Variants in PPFIBP1 observed in about 807,000 individuals in gnomAD.
The protein encoded by PPFIBP1 is liprin-beta-1.
In PPFIBP1, 112 loss-of-function variants were observed where a neutral mutation model predicts 137.8. The observed-to-expected ratio is 0.81, with a 90% CI of 0.70 to 0.95. The LOEUF (loss-of-function observed/expected upper bound fraction) is 0.95. Ranked by LOEUF, PPFIBP1 falls within the 40% of genes least tolerant of loss-of-function variation. The probability of loss-of-function intolerance (pLI) is 0.00; values close to 1 mark genes in which losing one functional copy is unlikely to be tolerated. For missense variants in PPFIBP1, 1,083 were observed against 1,196.6 expected (o/e 0.91, Z 1.40); for synonymous variants, 378 against 417.3 (o/e 0.91, Z 1.15).
At chr12:27,531,453 C>T (rs959969842) in intron 1 of PPFIBP1, among the ~76,000 whole-genome samples, 2 of 130,494 alleles carry the variant, frequency 1.5e-5, no homozygotes, top group East Asian at 2.2e-4. Flanking sequence ...CCAGCATGAG[C>T]AGCTAATTTT....
intron 4 of PPFIBP1, chr12:27,637,276 T>A (rs763147183): frequency 2.0e-5 from 3 of 152,230 alleles, no homozygotes; most frequent in Non-Finnish European, 4.4e-5. Flanking sequence ...ATATTTGTAA[T>A]GAATGATGCT....
chr12:27,670,915 G>C (rs2060156672), intron 13 of PPFIBP1, among the ~76,000 whole-genome samples: 1 of 151,988 alleles, frequency 6.6e-6, no homozygotes, highest in Non-Finnish European at 1.5e-5. Flanking sequence ...GGGTGAAACT[G>C]ATGGATGCCT....
At chr12:27,624,211 T>A (rs1290819574) in intron 2 of PPFIBP1, among the ~76,000 whole-genome samples, 1 of 152,162 alleles carries the variant, frequency 6.6e-6, no homozygotes, top group African/African-American at 2.4e-5. Context: ...ATGGTTTGGA[T>A]TAGAAACTAC....
At chr12:27,569,690 C>T (rs758538612) in intron 1 of PPFIBP1, among the ~76,000 whole-genome samples, 1 of 152,140 alleles carries the variant, frequency 6.6e-6, no homozygotes, top group Non-Finnish European at 1.5e-5. Flanking sequence ...TCCCGAGTAA[C>T]TGGGATTACA....
At chr12:27,565,118 C>T (rs565370494) in intron 1 of PPFIBP1, among the ~76,000 whole-genome samples, 1 of 152,360 alleles carries the variant, frequency 6.6e-6, no homozygotes, top group Admixed American at 6.5e-5. Flanking sequence ...AGTCTCCACT[C>T]AATCTCTAAG....
At chr12:27,551,593 G>A (rs1274356316) in intron 1 of PPFIBP1, among the ~76,000 whole-genome samples, 1 of 152,182 alleles carries the variant, frequency 6.6e-6, no homozygotes, top group Non-Finnish European at 1.5e-5. Flanking sequence ...TGTAATGTAA[G>A]TCTCTGGAGA....
At chr12:27,687,010 G>T (rs998047523) in intron 24 of PPFIBP1, among the ~76,000 whole-genome samples, 2 of 152,206 alleles carry the variant, frequency 1.3e-5, no homozygotes, top group African/African-American at 2.4e-5. Flanking sequence ...CACCGATAAA[G>T]TTCTCAAAAC....
chr12:27,651,861 C>A (rs1222139782), intron 7 of PPFIBP1, among the ~76,000 whole-genome samples: 1 of 152,110 alleles, frequency 6.6e-6, no homozygotes, highest in Non-Finnish European at 1.5e-5. Flanking sequence ...AGTTTGGCTG[C>A]TTTTTTTAAT....
chr12:27,526,258 T>C (rs1028876123), intron 1 of PPFIBP1, among the ~76,000 whole-genome samples: 3 of 152,220 alleles, frequency 2.0e-5, no homozygotes, highest in African/African-American at 7.2e-5. Flanking sequence ...TATCCTTATG[T>C]GCCAAATTCA....
intron 3 of PPFIBP1, among the ~76,000 whole-genome samples, chr12:27,634,678 C>T (rs1254580482): frequency 1.3e-5 from 2 of 152,200 alleles, no homozygotes; most frequent in African/African-American, 4.8e-5. Context: ...TTCTATACCC[C>T]ATGATTGGCC....
chr12:27,574,984 A>G (rs1029471433), intron 1 of PPFIBP1, among the ~76,000 whole-genome samples: 1 of 152,238 alleles, frequency 6.6e-6, no homozygotes, highest in Non-Finnish European at 1.5e-5. Context: ...AAAAAATTAA[A>G]GCAGTTAAAG....
intron 2 of PPFIBP1, among the ~76,000 whole-genome samples, chr12:27,612,328 G>GGTTTT (rs2055209768): frequency 3.4e-5 from 3 of 87,234 alleles, no homozygotes; most frequent in Admixed American, 2.6e-4. Flanking sequence ...CTTTATTGGT[G>GGTTTT]TTTTTTTTTT....
Position 27,687,479 on chromosome 12 carries a change from ACTGT to A in PPFIBP1, c.2345_2348del (p.Cys782TyrfsTer24), listed in dbSNP as rs1365003204. The A allele has an allele frequency of 2.5e-6, 4 of 1,613,846 alleles. No individual in the cohort carries two copies. The highest frequency in any genetic ancestry group is 3.4e-6 in the Non-Finnish European group (4 of 1,179,864). The stretch of plus-strand genomic sequence containing the variant: ...CTGAGGATCAATAACTTTGAACCAA[ACTGT>A]CTACGGAGGCGGCCATCTGATGAGG... On this transcript the variant is annotated frameshift_variant, in exon 25 of 30. Coordinates refer to ENST00000228425, the MANE Select transcript of PPFIBP1 (RefSeq NM_003622.4). LOFTEE classifies it high-confidence loss of function.
At chr12:27,544,573 T>G (rs1054041751) in intron 1 of PPFIBP1, among the ~76,000 whole-genome samples, 3 of 152,056 alleles carry the variant, frequency 2.0e-5, no homozygotes, top group African/African-American at 7.2e-5. Context: ...CATCAAAAAG[T>G]GCGCAAAGGA....
At chr12:27,668,944 T>C (rs1029550927) in intron 13 of PPFIBP1, among the ~76,000 whole-genome samples, 8 of 152,234 alleles carry the variant, frequency 5.3e-5, no homozygotes, top group African/African-American at 1.9e-4. Flanking sequence ...TGATAGCCCT[T>C]GTGCTTGATC....
intron 1 of PPFIBP1, among the ~76,000 whole-genome samples, chr12:27,553,031 A>C (rs2091331239): frequency 6.6e-6 from 1 of 152,022 alleles, no homozygotes; most frequent in African/African-American, 2.4e-5. Context: ...CTAAACTTGG[A>C]TTTTACAAGG....
At chr12:27,595,280 G>A (rs1297785053) in intron 2 of PPFIBP1, among the ~76,000 whole-genome samples, 1 of 152,182 alleles carries the variant, frequency 6.6e-6, no homozygotes, top group Non-Finnish European at 1.5e-5. Flanking sequence ...ACACATGCGT[G>A]TGCTCACACA....
Position 27,688,420 on chromosome 12 carries a change from C to T in PPFIBP1, c.2493C>T (p.Leu831=), listed in dbSNP as rs2061324234. 3 of 1,613,276 alleles carry T rather than the reference C, an allele frequency of 1.9e-6. No individual in the cohort carries two copies. The highest frequency in any genetic ancestry group is 1.7e-5 in the Admixed American group (1 of 59,790). ...GAGGCAGTGGTGTCCATGGTGGGCTCATGGTAAAGCTCTGATTTAATTTAA... is the reference window on the plus strand; with the variant it reads ...GAGGCAGTGGTGTCCATGGTGGGCTTATGGTAAAGCTCTGATTTAATTTAA... ...NLRGSGVHGG[L]MVLEPRFNVE... The change falls in exon 26 of 30, where the codon CTC becomes CTT. Residue 831 remains leucine (L), a synonymous_variant. Transcript: ENST00000228425.
intron 4 of PPFIBP1, chr12:27,635,973 C>T (rs1221854910): frequency 6.6e-6 from 1 of 152,148 alleles, no homozygotes; most frequent in Non-Finnish European, 1.5e-5. Context: ...CAGTAAGATG[C>T]ACTCATATGC....
Sources: gnomAD v4.1 joint callset for allele counts (sites outside exome capture counted in the v4.1 genomes callset) on GRCh38, gnomAD v4.1.1 for gene constraint, MANE v1.5 for transcripts, NCBI Gene and HGNC (gene_info 2026-07-23, HGNC 2026-07-21) for gene names.